The following TULP3 variants were observed in gnomAD, a reference collection of about 807,000 sequenced individuals.
TULP3 encodes the protein tubby-related protein 3.
TULP3 carries 38 observed loss-of-function variants against 50.7 expected under a neutral mutation model. The ratio of observed to expected loss-of-function variants is 0.75; its 90% CI spans 0.58 to 0.98. TULP3 has a LOEUF of 0.98. TULP3 is among the 50% of genes least tolerant of loss of function. TULP3 has a pLI of 0.00. For synonymous variants in TULP3, 183 were observed against 196.6 expected, an observed-to-expected ratio of 0.93 and a Z score of 0.58; for missense variants, 550 against 568.0, an observed-to-expected ratio of 0.97 and a Z score of 0.32.
chr12:2,917,833 C>T (rs887682122), intron 2 of TULP3, among the ~76,000 whole-genome samples: 2 of 151,466 alleles, frequency 1.3e-5, no homozygotes, highest in East Asian at 3.9e-4. Context: ...GCCGAGATCG[C>T]GCCACTGCAC....
At chr12:2,898,177 G>A (rs2098176701) in intron 1 of TULP3, among the ~76,000 whole-genome samples, 1 of 151,272 alleles carries the variant, frequency 6.6e-6, no homozygotes, top group Non-Finnish European at 1.5e-5. Context: ...TCTGAGTTAA[G>A]TGTCATTGTC....
chr12:2,934,844 A>G (rs1250313178), intron 8 of TULP3, among the ~76,000 whole-genome samples: 1 of 152,160 alleles, frequency 6.6e-6, no homozygotes, highest in Non-Finnish European at 1.5e-5. Flanking sequence ...GTTACAATAA[A>G]TTAAAGCTGA....
chr12:2,922,411 T>C lies in TULP3; in HGVS notation c.394+9T>C. 1 of 1,600,958 alleles carries C rather than the reference T, an allele frequency of 6.2e-7. No homozygotes were observed. The highest frequency in any genetic ancestry group is 8.5e-7 in the Non-Finnish European group (1 of 1,176,982). On this transcript the variant is annotated intron_variant, in intron 4 of 10. Transcript: ENST00000448120. ...GCGTCTCCAAAAGCATGGTGAGGAC[T>C]GGTAATGATTTTAAGGCAATTTGTC... is the stretch of plus-strand genomic sequence containing the variant.
chr12:2,916,076 C>T lies in TULP3; in HGVS notation c.94-4687C>T, dbSNP rs534022010. Among the ~76,000 whole-genome samples, 9 of 152,252 alleles carry T rather than the reference C, an allele frequency of 5.9e-5. No individual in the cohort carries two copies. The East Asian group carries it at 1.4e-3, about 23-fold the overall frequency. On this transcript the variant is annotated intron_variant, in intron 2 of 10. Coordinates refer to ENST00000448120, the MANE Select transcript of TULP3 (RefSeq NM_003324.5). ...CCAGGCTGGAGTGCAATGGCGCGAT[C>T]TTGGCTCACTGCAACCTTTGCCTCC...
chr12:2,915,622 G>A (rs1241384856), intron 2 of TULP3, among the ~76,000 whole-genome samples: 2 of 150,574 alleles, frequency 1.3e-5, no homozygotes, highest in African/African-American at 4.9e-5. Context: ...CAGGCTCACT[G>A]CAACCTCCAC....
At chr12:2,913,235 G>A (rs1322162255) in intron 2 of TULP3, among the ~76,000 whole-genome samples, 2 of 138,902 alleles carry the variant, frequency 1.4e-5, no homozygotes, top group African/African-American at 5.6e-5. Flanking sequence ...GTGTGTGTGT[G>A]TGGTGGCCTT....
intron 2 of TULP3, among the ~76,000 whole-genome samples, chr12:2,909,834 C>T (rs960843203): frequency 2.0e-5 from 3 of 152,170 alleles, no homozygotes; most frequent in Non-Finnish European, 4.4e-5. Flanking sequence ...AATTCCTTGG[C>T]GCCTTTCTTT....
intron 4 of TULP3, 122 bp from the exon 5 acceptor site, chr12:2,930,126 T>C (rs1162374846): frequency 6.0e-6 from 4 of 668,576 alleles, no homozygotes; most frequent in East Asian, 2.9e-5. Flanking sequence ...TTGGACAAAA[T>C]AGTTGTGTTT....
chr12:2,906,244 C>A (rs187999670), intron 1 of TULP3, among the ~76,000 whole-genome samples: 31 of 151,312 alleles, frequency 2.0e-4, no homozygotes, highest in African/African-American at 6.5e-4. Flanking sequence ...GTTGGCCAGA[C>A]TGCTCTTGAA....
At chr12:2,896,009 C>T (rs767063620) in intron 1 of TULP3, among the ~76,000 whole-genome samples, 14 of 151,226 alleles carry the variant, frequency 9.3e-5, no homozygotes, top group Non-Finnish European at 1.9e-4. Flanking sequence ...GGCATGATCT[C>T]GGCTCACTGC....
rs376244403 is a variant in TULP3, at chr12:2,934,436, C to T, written c.810-11C>T. ...ACAGATCATCATGGTGACTTTTTCTCCTGACTCCAGATCCAACCTCATGGG... is the reference window on the plus strand; with the variant it reads ...ACAGATCATCATGGTGACTTTTTCTTCTGACTCCAGATCCAACCTCATGGG... On this transcript the variant is annotated splice_polypyrimidine_tract_variant and intron_variant, in intron 7 of 10. Coordinates refer to ENST00000448120, the MANE Select transcript of TULP3 (RefSeq NM_003324.5). 37 of 1,536,302 alleles carry T rather than the reference C, an allele frequency of 2.4e-5. No individual in the cohort carries two copies. Among genetic ancestry groups the T allele is most frequent in the Non-Finnish European group, 3.0e-5 (34 of 1,141,890 alleles).
intron 2 of TULP3, among the ~76,000 whole-genome samples, chr12:2,910,093 C>G (rs139089922): frequency 0.047 from 7,107 of 152,160 alleles, 552 homozygotes; most frequent in African/African-American, 0.16. Context: ...GAGATCGAGA[C>G]CATCCTGACT....
intron 2 of TULP3, among the ~76,000 whole-genome samples, chr12:2,917,231 T>A (rs1201027777): frequency 1.3e-5 from 2 of 152,134 alleles, no homozygotes; most frequent in African/African-American, 4.8e-5. Flanking sequence ...GAAGGCTTAT[T>A]GGTGAGCAAG....
At chr12:2,922,114 T>G (rs2098192114) in intron 3 of TULP3, 148 bp from the exon 4 acceptor site, 1 of 1,001,922 alleles carries the variant, frequency 1.0e-6, no homozygotes, top group African/African-American at 1.7e-5. Context: ...TGACCTTCTC[T>G]CTTAACAAAT....
chr12:2,914,724 C>A (rs10774081), intron 2 of TULP3, among the ~76,000 whole-genome samples: 72,120 of 149,556 alleles, frequency 0.48, 17,516 homozygotes, highest in African/African-American at 0.6. Flanking sequence ...CCTCTGCCTC[C>A]CAGATTCACG....
At chr12:2,908,218 C>G (rs1353040456) in intron 1 of TULP3, among the ~76,000 whole-genome samples, 1 of 152,174 alleles carries the variant, frequency 6.6e-6, no homozygotes, top group African/African-American at 2.4e-5. Context: ...CCATGTTTCT[C>G]TTTGTGGTAA....
chr12:2,915,013 G>A (rs2098187817), intron 2 of TULP3, among the ~76,000 whole-genome samples: 2 of 146,788 alleles, frequency 1.4e-5, no homozygotes, highest in Admixed American at 6.8e-5. Context: ...TTTGAGACAA[G>A]AGTGTAGCCC....
intron 4 of TULP3, 71 bp downstream of exon 4, chr12:2,922,473 TG>T (rs1565504387): frequency 6.4e-7 from 1 of 1,555,936 alleles, no homozygotes; most frequent in Non-Finnish European, 8.7e-7. Context: ...TTCTTTTCAT[TG>T]TGGGTAACAA....
chr12:2,922,948 G>A lies in TULP3; in HGVS notation c.394+546G>A, dbSNP rs1306064700. On this transcript the variant is annotated intron_variant, in intron 4 of 10. Coordinates refer to ENST00000448120, the MANE Select transcript of TULP3 (RefSeq NM_003324.5). ...GGCTCACTGCAAGCTCCGCCTCCCG[G>A]GTTCACGCCATTCTCCTGCCTCAGC... Among the ~76,000 whole-genome samples, 6 of 150,754 alleles carry A rather than the reference G, an allele frequency of 4.0e-5. No homozygotes were observed. In the East Asian group the frequency reaches 9.8e-4, roughly 25 times the overall value.
Sources: gnomAD v4.1 joint callset for allele counts (sites outside exome capture counted in the v4.1 genomes callset) on GRCh38, gnomAD v4.1.1 for gene constraint, MANE v1.5 for transcripts, NCBI Gene and HGNC (gene_info 2026-07-23, HGNC 2026-07-21) for gene names.